The following SMYD3 variants were observed in gnomAD, a reference collection of about 807,000 sequenced individuals.
SMYD3 encodes SET and MYND domain containing 3, also known as histone-lysine N-methyltransferase SMYD3.
SMYD3 carries 36 observed loss-of-function variants against 57.7 expected under a neutral mutation model. The ratio of observed to expected loss-of-function variants is 0.62; its 90% CI spans 0.48 to 0.82. SMYD3 has a LOEUF of 0.82. Among genes scored for constraint, SMYD3 ranks in the 40% least tolerant of loss-of-function variants. SMYD3 has a pLI of 0.00. For synonymous variants in SMYD3, 211 were observed against 195.0 expected (o/e 1.08, Z -0.68); for missense variants, 515 against 538.8 (o/e 0.96, Z 0.44).
intron 5 of SMYD3, among the ~76,000 whole-genome samples, chr1:246,125,742 C>T (rs1490501081): frequency 6.6e-6 from 1 of 151,940 alleles, no homozygotes; most frequent in Non-Finnish European, 1.5e-5. Flanking sequence ...TGATGACGAT[C>T]AGAAGTGGTG....
chr1:246,027,063 C>A, intron 5 of SMYD3, among the ~76,000 whole-genome samples: 1 of 152,138 alleles, frequency 6.6e-6, no homozygotes, highest in Non-Finnish European at 1.5e-5. Context: ...GACAGAAGAT[C>A]AAATAAGCCA....
intron 9 of SMYD3, among the ~76,000 whole-genome samples, chr1:245,862,547 T>A (rs10924364): frequency 0.56 from 84,329 of 151,800 alleles, 26,583 homozygotes; most frequent in Non-Finnish European, 0.73. Context: ...ACCTCTATTA[T>A]CCTCCCCATC....
chr1:246,375,323 G>T (rs1056674368), intron 1 of SMYD3, among the ~76,000 whole-genome samples: 5 of 108,842 alleles, frequency 4.6e-5, no homozygotes, highest in Admixed American at 1.3e-4. Context: ...TCTAATGAGA[G>T]ACTTTTTTTT....
rs1176680838 is a variant in SMYD3, at chr1:246,457,547, AAG to A, written c.164+49505_164+49506del. ...GACTCTGCCTCAAAAAAAAAAAAAA[AAG>A]AAAAGAAAAGAAAAGAAAAGAAAAG... On this transcript the variant is annotated intron_variant, in intron 1 of 11. Coordinates refer to ENST00000490107, the MANE Select transcript of SMYD3 (RefSeq NM_001167740.2). 8.6e-3 allele frequency among the ~76,000 whole-genome samples: 680 copies of A among 79,366 alleles called. 10 individuals are homozygous for A. Among genetic ancestry groups the A allele is most frequent in the African/African-American group, 0.029 (656 of 22,816 alleles). 52.1% of individuals were successfully genotyped at this position (79,366 alleles called of 152,430 possible). A position where few individuals can be genotyped will look rare whatever the true frequency, so the allele number is the denominator to read the frequency against.
At chr1:246,461,135 G>A (rs569065689) in intron 1 of SMYD3, among the ~76,000 whole-genome samples, 6 of 152,286 alleles carry the variant, frequency 3.9e-5, no homozygotes, top group South Asian at 2.1e-4. Context: ...TCAAATAAGC[G>A]TTGGGCATCT....
At chr1:246,229,176 A>C (rs2063373248) in intron 5 of SMYD3, among the ~76,000 whole-genome samples, 1 of 152,148 alleles carries the variant, frequency 6.6e-6, no homozygotes, top group African/African-American at 2.4e-5. Context: ...TTATCCAATA[A>C]ATTTTCTTTG....
At chr1:246,236,330 A>T (rs996437976) in intron 5 of SMYD3, among the ~76,000 whole-genome samples, 2 of 152,212 alleles carry the variant, frequency 1.3e-5, no homozygotes, top group African/African-American at 4.8e-5. Flanking sequence ...TCCTGGGCTC[A>T]GGCAATCCTC....
chr1:246,205,360 G>T (rs1292380940), intron 5 of SMYD3, among the ~76,000 whole-genome samples: 1 of 152,210 alleles, frequency 6.6e-6, no homozygotes, highest in East Asian at 1.9e-4. Flanking sequence ...ATGTGGGCAT[G>T]GTCTCCCTCC....
chr1:246,177,837 T>G (rs1425054080), intron 5 of SMYD3, among the ~76,000 whole-genome samples: 3 of 152,122 alleles, frequency 2.0e-5, no homozygotes, highest in African/African-American at 7.2e-5. Flanking sequence ...ATTAAAGAAT[T>G]TCTCCAATGA....
chr1:245,928,032 T>C lies in SMYD3; in HGVS notation c.601A>G (p.Ile201Val). The stretch of plus-strand genomic sequence containing the variant: ...TCACAGCTGTGATTGAGCAAAGAGA[T>C]ACTGGAAAAAAAAAGGGGGGAAGAC... ...QEVGVGLYPSISLLNHSCDPN... is the reference protein window; with the variant it reads ...QEVGVGLYPSVSLLNHSCDPN... Residue 201 changes from isoleucine (I) to valine (V), a missense_variant and splice_region_variant, in exon 7 of 12, where the codon ATC becomes GTC. Transcript: ENST00000490107. 2 of 1,599,992 alleles carry C rather than the reference T, an allele frequency of 1.3e-6. No individual in the cohort carries two copies. The highest frequency in any genetic ancestry group is 1.4e-5 in the African/African-American group (1 of 73,622).
chr1:246,043,368 T>G (rs7533650), intron 5 of SMYD3, among the ~76,000 whole-genome samples: 1 of 152,012 alleles, frequency 6.6e-6, no homozygotes, highest in African/African-American at 2.4e-5. Flanking sequence ...CATAAAATGC[T>G]TCAACACCCA....
At chr1:245,983,967 T>C (rs1475360387) in intron 5 of SMYD3, among the ~76,000 whole-genome samples, 2 of 152,062 alleles carry the variant, frequency 1.3e-5, no homozygotes, top group Non-Finnish European at 2.9e-5. Flanking sequence ...TAAATGTGTA[T>C]TTCATTTGAG....
rs931012353 is a variant in SMYD3 at position 246,390,866 on chromosome 1, A to G, written c.165-35772T>C. 2.6e-5 allele frequency among the ~76,000 whole-genome samples: 4 copies of G among 152,164 alleles called. No individual in the cohort carries two copies. The East Asian group carries it at 5.8e-4, about 22-fold the overall frequency. On this transcript the variant is annotated intron_variant, in intron 1 of 11. Coordinates refer to ENST00000490107, the MANE Select transcript of SMYD3 (RefSeq NM_001167740.2). Reference sequence around the variant, plus strand: ...GCACTAGAGCAACAACAACAACAACAACAGATGACTTTTAAAAAAATCAAC... The same window carrying G: ...GCACTAGAGCAACAACAACAACAACGACAGATGACTTTTAAAAAAATCAAC...
At chr1:246,220,689 G>A (rs2063239708) in intron 5 of SMYD3, among the ~76,000 whole-genome samples, 1 of 152,212 alleles carries the variant, frequency 6.6e-6, no homozygotes, top group African/African-American at 2.4e-5. Flanking sequence ...CCATTGTCAA[G>A]CCAGGAAGGG....
chr1:246,098,326 C>T (rs751029929), intron 5 of SMYD3, among the ~76,000 whole-genome samples: 2 of 152,128 alleles, frequency 1.3e-5, no homozygotes, highest in African/African-American at 4.8e-5. Flanking sequence ...CAAAGCCCTG[C>T]GGGAATGACA....
At chr1:246,376,837 C>T (rs964816959) in intron 1 of SMYD3, among the ~76,000 whole-genome samples, 36 of 151,814 alleles carry the variant, frequency 2.4e-4, no homozygotes, top group Middle Eastern at 3.4e-3. Flanking sequence ...TGGTGTCTCA[C>T]GCCTGTAATA....
chr1:246,313,820 T>C (rs776297182), intron 5 of SMYD3, among the ~76,000 whole-genome samples: 2 of 152,058 alleles, frequency 1.3e-5, no homozygotes, highest in Admixed American at 6.5e-5. Context: ...GTTTATAGCA[T>C]AGAAAATGTT....
chr1:246,151,023 G>A (rs545855113), intron 5 of SMYD3, among the ~76,000 whole-genome samples: 5 of 152,136 alleles, frequency 3.3e-5, no homozygotes, highest in Non-Finnish European at 7.4e-5. Context: ...CGAGGCGGGT[G>A]GATCACGAGG....
chr1:246,444,338 C>A (rs1212365699), intron 1 of SMYD3, among the ~76,000 whole-genome samples: 1 of 152,066 alleles, frequency 6.6e-6, no homozygotes, highest in South Asian at 2.1e-4. Flanking sequence ...GTTGGCCAGA[C>A]TGGTCTCAAA....
Sources: gnomAD v4.1 joint callset for allele counts (sites outside exome capture counted in the v4.1 genomes callset) on GRCh38, gnomAD v4.1.1 for gene constraint, MANE v1.5 for transcripts, NCBI Gene and HGNC (gene_info 2026-07-23, HGNC 2026-07-21) for gene names.